The following ASH1L variants were observed in gnomAD, a reference collection of about 807,000 sequenced individuals.
ASH1L encodes the protein ASH1 like histone lysine methyltransferase.
In ASH1L, 23 loss-of-function variants were observed where a neutral mutation model predicts 269.0. The ratio of observed to expected loss-of-function variants is 0.09; its 90% CI spans 0.06 to 0.12. The LOEUF (loss-of-function observed/expected upper bound fraction) is 0.12, where lower values mean the gene tolerates loss of function less well. Ranked by LOEUF, ASH1L falls within the 10% of genes least tolerant of loss-of-function variation. The probability of loss-of-function intolerance (pLI) is 1.00; values close to 1 mark genes in which losing one functional copy is unlikely to be tolerated. For missense variants in ASH1L, 2,912 were observed against 3,567.8 expected, an observed-to-expected ratio of 0.82 and a Z score of 4.68; for synonymous variants, 1,187 against 1,253.5, an observed-to-expected ratio of 0.95 and a Z score of 1.12.
chr1:155,543,756 A>AC (rs1670606634), intron 1 of ASH1L, among the ~76,000 whole-genome samples: 1 of 151,636 alleles, frequency 6.6e-6, no homozygotes, highest in African/African-American at 2.4e-5. Flanking sequence ...ACATAGTGAG[A>AC]CCCCATCTCT....
At chr1:155,523,765 G>A (rs1434697858) in intron 1 of ASH1L, among the ~76,000 whole-genome samples, 1 of 152,126 alleles carries the variant, frequency 6.6e-6, no homozygotes. Flanking sequence ...CAACTACTCA[G>A]GAGGCTGAGG....
chr1:155,368,906 A>G (rs1423433112), intron 12 of ASH1L, among the ~76,000 whole-genome samples: 1 of 152,242 alleles, frequency 6.6e-6, no homozygotes, highest in Non-Finnish European at 1.5e-5. Flanking sequence ...ACATGGATGA[A>G]CTGCAAAAAC....
intron 1 of ASH1L, among the ~76,000 whole-genome samples, chr1:155,536,012 AAAAG>A (rs1175384640): frequency 6.6e-6 from 1 of 152,094 alleles, no homozygotes; most frequent in Non-Finnish European, 1.5e-5. Flanking sequence ...AAAAAAAAAA[AAAAG>A]AAAAAAATTT....
chr1:155,454,602 T>C (rs1274613876), intron 4 of ASH1L, among the ~76,000 whole-genome samples: 1 of 152,060 alleles, frequency 6.6e-6, no homozygotes, highest in Non-Finnish European at 1.5e-5. Context: ...ACCCCATCTC[T>C]AGTAAAAATA....
chr1:155,551,383 G>A (rs1054504009), intron 1 of ASH1L, among the ~76,000 whole-genome samples: 3 of 152,074 alleles, frequency 2.0e-5, no homozygotes, highest in South Asian at 2.1e-4. Flanking sequence ...ATCTACGGCC[G>A]GGCGCAGTGG....
chr1:155,383,765 G>C (rs558199242), intron 7 of ASH1L, among the ~76,000 whole-genome samples: 3 of 152,154 alleles, frequency 2.0e-5, no homozygotes, highest in Non-Finnish European at 4.4e-5. Context: ...ACCAGAGGCT[G>C]AGGGGAACAG....
At chr1:155,486,204 C>T (rs1372336188) in intron 2 of ASH1L, among the ~76,000 whole-genome samples, 1 of 152,040 alleles carries the variant, frequency 6.6e-6, no homozygotes, top group Non-Finnish European at 1.5e-5. Context: ...CATGTGGCAC[C>T]TTTAAATGAA....
At chr1:155,522,052 C>G (rs578132845) in intron 1 of ASH1L, among the ~76,000 whole-genome samples, 1 of 152,306 alleles carries the variant, frequency 6.6e-6, no homozygotes, top group Non-Finnish European at 1.5e-5. Context: ...ACTCCATTGA[C>G]TATGTGATTA....
rs148450792 is a variant in ASH1L at position 155,429,824 on chromosome 1, G to A, written c.5828+8503C>T. On this transcript the variant is annotated intron_variant, in intron 5 of 27. Transcript: ENST00000392403. ...TGTCTCTTATTTGTTTTTTAAGACA[G>A]GTTCTCGCTTTGTCACCCAGGATGG... is the stretch of plus-strand genomic sequence containing the variant. 3.9e-5 allele frequency among the ~76,000 whole-genome samples: 6 copies of A among 152,148 alleles called. No homozygotes were observed. In the East Asian group the frequency reaches 1.2e-3, roughly 29 times the overall value.
rs1217519403 is a variant in ASH1L, at chr1:155,438,944, C to T, written c.5211G>A (p.Val1737=). 2 of 1,614,034 alleles carry T rather than the reference C, an allele frequency of 1.2e-6. No homozygotes were observed. The highest frequency in any genetic ancestry group is 1.3e-5 in the African/African-American group (1 of 74,910). ...QEPMEKSIDA[V]IATASAPPSS... is the part of the protein sequence containing the mutation. ...AAGGTGGTGCAGAGGCAGTTGCAAT[C>T]ACAGCATCAATACTTTTCTCCATGG... The change falls in exon 5 of 28, where the codon GTG becomes GTA. Residue 1737 remains valine (V), a synonymous_variant. Transcript: ENST00000392403.
chr1:155,434,503 T>TAAA lies in ASH1L; in HGVS notation c.5828+3821_5828+3823dup, dbSNP rs777553969. Among the ~76,000 whole-genome samples the TAAA allele has an allele frequency of 8.5e-5, 6 of 70,216 alleles. No individual in the cohort carries two copies. In the South Asian group the frequency reaches 1.2e-3, roughly 14 times the overall value. The allele number at this position is 70,216 out of a possible 152,430, so 46.1% of individuals were successfully genotyped here. On this transcript the variant is annotated intron_variant, in intron 5 of 27. Coordinates refer to ENST00000392403, the MANE Select transcript of ASH1L (RefSeq NM_018489.3). ...CTTTTTTCTTAAGCCTGGGACACAGTAAAAAAAAAAAAAAAAAAAAAAAAT... is the reference window on the plus strand; with the variant it reads ...CTTTTTTCTTAAGCCTGGGACACAGTAAAAAAAAAAAAAAAAAAAAAAAAAAAT...
rs748310093 is a variant in ASH1L at position 155,480,791 on chromosome 1, G to C, written c.2079C>G (p.His693Gln). 1.9e-6 allele frequency: 3 copies of C among 1,613,900 alleles called. No homozygotes were observed. The highest frequency in any genetic ancestry group is 1.1e-5 in the South Asian group (1 of 91,070). Residue 693 changes from histidine (H) to glutamine (Q), a missense_variant, in exon 3 of 28, where the codon CAC (histidine) becomes CAG (glutamine). By Grantham distance (24) the His-to-Gln change is conservative. Coordinates refer to ENST00000392403, the MANE Select transcript of ASH1L (RefSeq NM_018489.3). The stretch of plus-strand genomic sequence containing the variant: ...TACTTAGGCTTTCAGCAACTTGGCA[G>C]TGTTTGTCTGATGCAGATACTGCAC... ...KLGAVSASDK[H>Q]CQVAESLSTS...
chr1:155,446,285 C>CAATT (rs1423323882), intron 4 of ASH1L, among the ~76,000 whole-genome samples: 1 of 150,038 alleles, frequency 6.7e-6, no homozygotes, highest in African/African-American at 2.4e-5. Context: ...ATTTATATTT[C>CAATT]AATTAATTAA....
At chr1:155,461,809 T>G (rs1457200040) in intron 3 of ASH1L, among the ~76,000 whole-genome samples, 2 of 150,730 alleles carry the variant, frequency 1.3e-5, no homozygotes, top group African/African-American at 4.9e-5. Context: ...AGGGTTTTTT[T>G]TTTTTTTTTT....
At chr1:155,440,577 C>T in intron 4 of ASH1L, 1 of 936,054 alleles carries the variant, frequency 1.1e-6, no homozygotes, top group South Asian at 4.9e-5. Flanking sequence ...AATATTCATA[C>T]CAATCTTCAG....
intron 3 of ASH1L, among the ~76,000 whole-genome samples, chr1:155,470,307 A>G (rs1204135450): frequency 1.3e-5 from 2 of 151,820 alleles, no homozygotes; most frequent in African/African-American, 4.8e-5. Flanking sequence ...AAAAACACAA[A>G]AATTAGCTGG....
rs1229154492 is a variant in ASH1L, at chr1:155,337,411, C to T, written c.*249G>A. The T allele has an allele frequency of 2.0e-5, 7 of 354,942 alleles. No individual in the cohort carries two copies. The highest frequency in any genetic ancestry group is 3.2e-5 in the Non-Finnish European group (6 of 189,638). 22.0% of individuals were successfully genotyped at this position (354,942 alleles called of 1,614,324 possible). A position where few individuals can be genotyped will look rare whatever the true frequency, so the allele number is the denominator to read the frequency against. ...TCATCAATGTGGTCCTCCCTCCTCT[C>T]TACATTATTAACCCTTAAGGTGAAG... On this transcript the variant is annotated 3_prime_UTR_variant, in exon 28 of 28. Transcript: ENST00000392403.
chr1:155,458,487 G>A (rs1191196674), intron 4 of ASH1L, among the ~76,000 whole-genome samples: 7 of 152,148 alleles, frequency 4.6e-5, no homozygotes, highest in African/African-American at 9.7e-5. Context: ...GGCTGAGGCC[G>A]GCAGATCATC....
intron 5 of ASH1L, among the ~76,000 whole-genome samples, chr1:155,418,973 A>C (rs1445042016): frequency 6.6e-6 from 1 of 152,188 alleles, no homozygotes; most frequent in African/African-American, 2.4e-5. Context: ...CGGGAGGCTG[A>C]GGCAGGAGAA....
Sources: gnomAD v4.1 joint callset for allele counts (sites outside exome capture counted in the v4.1 genomes callset) on GRCh38, gnomAD v4.1.1 for gene constraint, MANE v1.5 for transcripts, NCBI Gene and HGNC (gene_info 2026-07-23, HGNC 2026-07-21) for gene names.